Variants in UBR1 observed in about 807,000 individuals in gnomAD.
The protein encoded by UBR1 is E3 ubiquitin-protein ligase UBR1.
UBR1 carries 102 observed loss-of-function variants against 242.1 expected under a neutral mutation model. The ratio of observed to expected loss-of-function variants is 0.42; its 90% CI spans 0.36 to 0.50. UBR1 has a LOEUF of 0.50. Among genes scored for constraint, UBR1 ranks in the 20% least tolerant of loss-of-function variants. The pLI is 0.01. For missense variants in UBR1, 1,772 were observed against 2,101.8 expected (o/e 0.84, Z 3.07); for synonymous variants, 675 against 684.8 (o/e 0.99, Z 0.22).
chr15:43,003,755 G>A (rs2032761558), intron 31 of UBR1, 82 bp downstream of exon 31: 1 of 1,235,814 alleles, frequency 8.1e-7, no homozygotes. Context: ...AAGAAGACAT[G>A]AGAAAACATG....
chr15:43,068,360 T>C (rs1341984332), intron 5 of UBR1, among the ~76,000 whole-genome samples: 1 of 151,700 alleles, frequency 6.6e-6, no homozygotes, highest in Non-Finnish European at 1.5e-5. Context: ...CAGCTAATTT[T>C]TGTATTTTTT....
At chr15:43,065,308 A>G (rs969966908) in intron 6 of UBR1, among the ~76,000 whole-genome samples, 3 of 151,280 alleles carry the variant, frequency 2.0e-5, no homozygotes, top group Non-Finnish European at 4.4e-5. Flanking sequence ...TTCTTTGCCC[A>G]CTTTTCTCTT....
At chr15:43,089,050 T>A (rs1220631115) in intron 1 of UBR1, among the ~76,000 whole-genome samples, 1 of 151,656 alleles carries the variant, frequency 6.6e-6, no homozygotes, top group Non-Finnish European at 1.5e-5. Context: ...TAATCCCAGC[T>A]ACTCAGGAGT....
chr15:43,059,629 G>A, intron 8 of UBR1, 73 bp downstream of exon 8: 1 of 1,436,968 alleles, frequency 7.0e-7, no homozygotes, highest in Admixed American at 1.8e-5. Context: ...CATACTCAAT[G>A]ACATTTTAAA....
At chr15:43,102,777 C>A (rs1362514995) in intron 1 of UBR1, among the ~76,000 whole-genome samples, 1 of 151,642 alleles carries the variant, frequency 6.6e-6, no homozygotes, top group Admixed American at 6.5e-5. Flanking sequence ...CATTTTCCAC[C>A]CGTTTCAATC....
At chr15:43,076,249 C>T (rs1397342208) in intron 3 of UBR1, among the ~76,000 whole-genome samples, 1 of 152,128 alleles carries the variant, frequency 6.6e-6, no homozygotes, top group South Asian at 2.1e-4. Context: ...CCCGAGGCGC[C>T]GGGATTGCAG....
intron 33 of UBR1, among the ~76,000 whole-genome samples, chr15:42,993,107 A>C (rs556556901): frequency 6.6e-6 from 1 of 152,210 alleles, no homozygotes; most frequent in Admixed American, 6.5e-5. Flanking sequence ...TCCTCTGACC[A>C]GAAAGAGATG....
intron 33 of UBR1, among the ~76,000 whole-genome samples, chr15:42,997,206 T>C (rs1217475258): frequency 6.6e-6 from 1 of 152,234 alleles, no homozygotes; most frequent in Admixed American, 6.5e-5. Context: ...GTGAGGAATC[T>C]AGGTTGCCCA....
chr15:43,074,184 C>T (rs1024468507), intron 4 of UBR1, among the ~76,000 whole-genome samples: 3 of 151,954 alleles, frequency 2.0e-5, no homozygotes, highest in African/African-American at 7.3e-5. Context: ...TTTTATAATC[C>T]TCGTGATTCC....
chr15:43,070,819 T>A lies in UBR1; in HGVS notation c.635A>T (p.Glu212Val), dbSNP rs1222883490. 6.2e-7 allele frequency: 1 copy of A among 1,613,616 alleles called. No homozygotes were observed. Among genetic ancestry groups the A allele is most frequent in the Non-Finnish European group, 8.5e-7 (1 of 1,179,994 alleles). ...VEMTIWEEEK[E>V]LPPELQIREK... ...CCTTATCTGGAGTTCAGGAGGCAGT[T>A]CTTTTTCCTCTTCCCATATAGTCAT... The change falls in exon 5 of 47, where the codon GAA (glutamate) becomes GTA (valine). Residue 212 changes from glutamate (E) to valine (V), a missense_variant. Coordinates refer to ENST00000290650, the MANE Select transcript of UBR1 (RefSeq NM_174916.3).
intron 1 of UBR1, among the ~76,000 whole-genome samples, chr15:43,087,873 T>C (rs1220394021): frequency 6.6e-6 from 1 of 152,092 alleles, no homozygotes; most frequent in Non-Finnish European, 1.5e-5. Flanking sequence ...TGTCCTGATA[T>C]GGAACATAAA....
intron 40 of UBR1, among the ~76,000 whole-genome samples, chr15:42,968,604 G>A (rs1422760787): frequency 1.3e-5 from 2 of 151,914 alleles, no homozygotes; most frequent in African/African-American, 4.8e-5. Context: ...GTGTCATGGT[G>A]GAGGTTTGCT....
At chr15:43,030,184 G>A (rs904810899) in intron 20 of UBR1, 116 bp from the exon 21 acceptor site, 4 of 1,181,504 alleles carry the variant, frequency 3.4e-6, no homozygotes, top group Admixed American at 2.1e-5. Context: ...CTGTGAGAGA[G>A]GGGCAAAAGT....
At position 42,950,325 on chromosome 15, in the gene UBR1, G is replaced by A. The variant is rs763632618; in HGVS notation, c.5045C>T (p.Ala1682Val). The change falls in exon 46 of 47, where the codon GCC becomes GTC. Residue 1682 changes from alanine (A) to valine (V), a missense_variant. Ala to Val is a moderately conservative substitution (Grantham distance 64). Transcript: ENST00000290650. ...ECRVVLVEGK[A>V]RGCAYPAPYL... ...AGGAGCTGGATAGGCACAGCCTCTG[G>A]CTTTACCTTCAACCAGGACCACTCG... 4 of 1,614,004 alleles carry A rather than the reference G, an allele frequency of 2.5e-6. No homozygotes were observed. Among genetic ancestry groups the A allele is most frequent in the East Asian group, 2.2e-5 (1 of 44,886 alleles).
At chr15:43,057,408 T>C (rs899513732) in intron 10 of UBR1, among the ~76,000 whole-genome samples, 2 of 152,212 alleles carry the variant, frequency 1.3e-5, no homozygotes, top group East Asian at 3.8e-4. Flanking sequence ...TCTTACAGAA[T>C]TGACTGCAAC....
At position 43,040,784 on chromosome 15, in the gene UBR1, T is replaced by C. The variant is rs1293693597; in HGVS notation, c.1849+2431A>G. On this transcript the variant is annotated intron_variant, in intron 15 of 46. Transcript: ENST00000290650. ...ACTCCATTGAAAAGCAGGCGAAGGATATGAACAGACACTTCTCAAAAGAAG... is the reference window on the plus strand; with the variant it reads ...ACTCCATTGAAAAGCAGGCGAAGGACATGAACAGACACTTCTCAAAAGAAG... Among the ~76,000 whole-genome samples, 6 of 152,140 alleles carry C rather than the reference T, an allele frequency of 3.9e-5. No homozygotes were observed. The South Asian group carries it at 1.0e-3, about 26-fold the overall frequency.
intron 42 of UBR1, among the ~76,000 whole-genome samples, chr15:42,963,233 A>G (rs992782197): frequency 2.0e-5 from 3 of 152,172 alleles, no homozygotes; most frequent in Admixed American, 6.6e-5. Context: ...GTGGTAGGAG[A>G]CAGAAGCCAA....
rs2031715087 is a variant in UBR1 at position 42,945,398 on chromosome 15, A to G, written c.5181T>C (p.Ile1727=). 6.2e-7 allele frequency: 1 copy of G among 1,614,210 alleles called. No individual in the cohort carries two copies. Among genetic ancestry groups the G allele is most frequent in the Non-Finnish European group, 8.5e-7 (1 of 1,180,040 alleles). The stretch of plus-strand genomic sequence containing the variant: ...CTTGGCTCCTAGCAATCTCTTCTAT[A>G]ATGCAGTGTTGTTGCCAGACCAAAT... ...KLHLVWQQHC[I]IEEIARSQET... The change falls in exon 47 of 47, where the codon ATT becomes ATC. Residue 1727 remains isoleucine, a synonymous_variant. Transcript: ENST00000290650.
At position 42,952,300 on chromosome 15, in the gene UBR1, C is replaced by A; in HGVS notation, c.4984G>T (p.Ala1662Ser). 6.2e-7 allele frequency: 1 copy of A among 1,614,180 alleles called. No individual in the cohort carries two copies. The change falls in exon 45 of 47, where the codon GCC becomes TCC. Residue 1662 changes from alanine (A) to serine (S), a missense_variant. Transcript: ENST00000290650. ...ACIFHALHCG[A>S]GVCIFLKIRE... ...CACTTTAGGAAAATGCAGACTCCGG[C>A]TCCACAGTGAAGTGCGTGAAAAATG...
Sources: allele counts gnomAD v4.1 joint callset (sites outside exome capture counted in the v4.1 genomes callset), GRCh38; gene constraint gnomAD v4.1.1; transcripts MANE v1.5; gene names NCBI Gene and HGNC (gene_info 2026-07-23, HGNC 2026-07-21).